The following ZMAT3 variants were observed in gnomAD, a reference collection of about 807,000 sequenced individuals.
The protein encoded by ZMAT3 is zinc finger matrin-type 3.
A neutral mutation model predicts 32.3 loss-of-function variants in ZMAT3; 17 were observed. The ratio of observed to expected loss-of-function variants is 0.53; its 90% CI spans 0.36 to 0.79. The LOEUF is 0.79. Ranked by LOEUF, ZMAT3 falls within the 30% of genes least tolerant of loss-of-function variation. ZMAT3 has a pLI of 0.00. For synonymous variants in ZMAT3, 120 were observed against 133.1 expected (o/e 0.90, Z 0.68); for missense variants, 329 against 359.7 (o/e 0.91, Z 0.69).
At chr3:179,035,602 T>C (rs559481998) in intron 2 of ZMAT3, among the ~76,000 whole-genome samples, 25 of 136,598 alleles carry the variant, frequency 1.8e-4, no homozygotes, top group African/African-American at 6.3e-4. Flanking sequence ...TATAGTTTGT[T>C]GACTTGTTTT....
intron 2 of ZMAT3, among the ~76,000 whole-genome samples, chr3:179,047,858 CA>C (rs954568510): frequency 2.5e-4 from 31 of 125,558 alleles, no homozygotes; most frequent in Admixed American, 1.1e-3. Flanking sequence ...GACTCAGTCT[CA>C]AAAAAAAAAG....
chr3:179,028,420 AC>A (rs1228569403), intron 3 of ZMAT3, among the ~76,000 whole-genome samples: 1 of 152,244 alleles, frequency 6.6e-6, no homozygotes, highest in Non-Finnish European at 1.5e-5. Flanking sequence ...TATTAGGTTA[AC>A]AAAAAAAATG....
At chr3:179,068,911 T>TA (rs1230332422) in intron 1 of ZMAT3, among the ~76,000 whole-genome samples, 2 of 152,200 alleles carry the variant, frequency 1.3e-5, no homozygotes, top group Non-Finnish European at 2.9e-5. Flanking sequence ...CACATTCCTA[T>TA]ATGGGACGCA....
intron 5 of ZMAT3, among the ~76,000 whole-genome samples, chr3:179,027,195 A>C (rs1718916149): frequency 6.6e-6 from 1 of 152,234 alleles, no homozygotes; most frequent in Non-Finnish European, 1.5e-5. Flanking sequence ...AGATCCTAAA[A>C]CACAGACTAT....
rs1232846996 is a variant in ZMAT3 at position 179,023,689 on chromosome 3, A to AATATATAT, written c.*1327_*1328insATATATAT. The AATATATAT allele has an allele frequency of 2.1e-3, 89 of 42,258 alleles. 25 individuals are homozygous for AATATATAT. The highest frequency in any genetic ancestry group is 4.8e-3 in the African/African-American group (36 of 7,450). The allele number at this position is 42,258 out of a possible 1,614,324, so 2.6% of individuals were successfully genotyped here. Reference sequence around the variant, plus strand: ...CTTTGTTTCCTAAAAACTGCTGGAAAATATATCTATATATATATATATTTT... The same window carrying AATATATAT: ...CTTTGTTTCCTAAAAACTGCTGGAAAATATATATATATATCTATATATATATATATTTT... On this transcript the variant is annotated 3_prime_UTR_variant, in exon 6 of 6. Transcript: ENST00000311417.
chr3:179,021,027 C>T lies in ZMAT3; in HGVS notation c.*3990G>A, dbSNP rs1289638426. The T allele has an allele frequency of 2.0e-5, 3 of 152,170 alleles. No homozygotes were observed. Among genetic ancestry groups the T allele is most frequent in the Non-Finnish European group, 4.4e-5 (3 of 68,026 alleles). 9.4% of individuals were successfully genotyped at this position (152,170 alleles called of 1,614,324 possible). On this transcript the variant is annotated 3_prime_UTR_variant, in exon 6 of 6. Transcript: ENST00000311417. ...AGGATGATGTCAAATAGCCACGATT[C>T]TTCTTTTAAACTCAGGGCTTCAAAA...
At chr3:179,034,089 A>G (rs1261149701) in intron 2 of ZMAT3, among the ~76,000 whole-genome samples, 1 of 152,266 alleles carries the variant, frequency 6.6e-6, no homozygotes, top group Non-Finnish European at 1.5e-5. Context: ...AGCATTCTAA[A>G]TAAGGGTAAA....
chr3:179,072,447 A>G (rs1283952145), upstream of ZMAT3, among the ~76,000 whole-genome samples: 1 of 152,160 alleles, frequency 6.6e-6, no homozygotes, highest in Non-Finnish European at 1.5e-5. Flanking sequence ...CCAGGAAAAG[A>G]GTGGCCAACG....
At chr3:179,040,987 G>A (rs1460143696) in intron 2 of ZMAT3, among the ~76,000 whole-genome samples, 1 of 151,786 alleles carries the variant, frequency 6.6e-6, no homozygotes, top group Admixed American at 6.6e-5. Context: ...GACAAAGAAG[G>A]GCATTACATA....
At chr3:179,062,220 G>A (rs930089831) in intron 2 of ZMAT3, among the ~76,000 whole-genome samples, 1 of 152,150 alleles carries the variant, frequency 6.6e-6, no homozygotes. Flanking sequence ...GCGGCCTATA[G>A]GAATGGAAAT....
chr3:179,059,104 G>A (rs1461730410), intron 2 of ZMAT3, among the ~76,000 whole-genome samples: 1 of 152,102 alleles, frequency 6.6e-6, no homozygotes, highest in Non-Finnish European at 1.5e-5. Flanking sequence ...CACTGCTGGG[G>A]TCGTCAGAAA....
intron 2 of ZMAT3, among the ~76,000 whole-genome samples, chr3:179,063,479 TAGAA>T (rs1341427136): frequency 6.6e-6 from 1 of 152,242 alleles, no homozygotes; most frequent in Non-Finnish European, 1.5e-5. Flanking sequence ...CTATTACAAA[TAGAA>T]AGCCATGTTT....
intron 3 of ZMAT3, 41 bp downstream of exon 3, chr3:179,030,839 T>C (rs369460168): frequency 8.2e-6 from 13 of 1,589,710 alleles, no homozygotes; most frequent in South Asian, 6.9e-5. Flanking sequence ...ATATTACAGC[T>C]TCCACCCTAA....
chr3:179,027,595 ACAGT>A (rs746128173), intron 4 of ZMAT3, 47 bp downstream of exon 4: 3 of 1,613,658 alleles, frequency 1.9e-6, no homozygotes, highest in East Asian at 4.5e-5. Context: ...TTCTTTAAAG[ACAGT>A]CAATCTCACA....
In ZMAT3 at chr3:179,059,529, A is replaced by G. The variant is rs377732465; in HGVS notation, c.270+7954T>C. Reference sequence around the variant, plus strand: ...TAAACCCCTGCACTGCAGGCCATACATTTCAATCCCTGTATCTTTAACCTC... The same window carrying G: ...TAAACCCCTGCACTGCAGGCCATACGTTTCAATCCCTGTATCTTTAACCTC... On this transcript the variant is annotated intron_variant, in intron 2 of 5. Coordinates refer to ENST00000311417, the MANE Select transcript of ZMAT3 (RefSeq NM_022470.4). Among the ~76,000 whole-genome samples, 60 of 152,254 alleles carry G rather than the reference A, an allele frequency of 3.9e-4. No individual in the cohort carries two copies. The East Asian group carries it at 0.011, about 28-fold the overall frequency.
Position 179,017,539 on chromosome 3 carries a change from C to A in ZMAT3, c.*7478G>T, listed in dbSNP as rs768642306. ...ACTGGCACTCCGACCCAACAGCATA[C>A]ACAGATCTTAAGCCTCTGTATGACA... On this transcript the variant is annotated 3_prime_UTR_variant, in exon 6 of 6. Transcript: ENST00000311417. The A allele has an allele frequency of 1.2e-4, 18 of 152,296 alleles. No homozygotes were observed. Among genetic ancestry groups the A allele is most frequent in the Non-Finnish European group, 2.2e-4 (15 of 68,032 alleles). 9.4% of individuals were successfully genotyped at this position (152,296 alleles called of 1,614,324 possible).
rs557108672 is a variant in ZMAT3, at chr3:179,037,429, G to A, written c.271-6430C>T. ...GACAACGACACCCAATGCAGAAGCT[G>A]CTGGCAACACACCCAGTGGAGCCAT... On this transcript the variant is annotated intron_variant, in intron 2 of 5. Coordinates refer to ENST00000311417, the MANE Select transcript of ZMAT3 (RefSeq NM_022470.4). 3.3e-5 allele frequency among the ~76,000 whole-genome samples: 5 copies of A among 152,300 alleles called. No individual in the cohort carries two copies. The East Asian group carries it at 7.7e-4, about 24-fold the overall frequency.
intron 3 of ZMAT3, among the ~76,000 whole-genome samples, chr3:179,029,341 C>T (rs1451534973): frequency 6.6e-6 from 1 of 152,208 alleles, no homozygotes; most frequent in East Asian, 1.9e-4. Flanking sequence ...CATTAAATGA[C>T]GTCAGGGCCT....
At chr3:179,057,518 C>T (rs1004013735) in intron 2 of ZMAT3, among the ~76,000 whole-genome samples, 9 of 152,180 alleles carry the variant, frequency 5.9e-5, no homozygotes, top group Admixed American at 2.0e-4. Context: ...TCTCATAATA[C>T]CTGGACACTC....
Sources: allele counts gnomAD v4.1 joint callset (sites outside exome capture counted in the v4.1 genomes callset), GRCh38; gene constraint gnomAD v4.1.1; transcripts MANE v1.5; gene names NCBI Gene and HGNC (gene_info 2026-07-23, HGNC 2026-07-21).